ANP32B: variants seen among roughly 807,000 people sequenced by gnomAD.
The protein encoded by ANP32B is acidic leucine-rich nuclear phosphoprotein 32 family member B.
A neutral mutation model predicts 32.2 loss-of-function variants in ANP32B; 6 were observed. The observed-to-expected ratio is 0.19, with a 90% CI of 0.10 to 0.37. The LOEUF (loss-of-function observed/expected upper bound fraction) is 0.37. Among genes scored for constraint, ANP32B ranks in the 10% least tolerant of loss-of-function variants. ANP32B has a pLI of 1.00. For missense variants in ANP32B, 204 were observed against 289.2 expected (o/e 0.71, Z 2.14); for synonymous variants, 98 against 105.8 (o/e 0.93, Z 0.45).
chr9:98,001,630 C>T (rs1418183490), intron 3 of ANP32B, among the ~76,000 whole-genome samples: 2 of 152,120 alleles, frequency 1.3e-5, no homozygotes, highest in African/African-American at 4.8e-5. Context: ...TTGTAGCACA[C>T]AGCAATGGAG....
rs183482694 is a variant in ANP32B at position 97,987,248 on chromosome 9, G to T, written c.54+3639G>T. ...TATATTCTCATAGTGGAACAAAATG[G>T]CCTAAGATGGCATTTTAAAGTAATC... On this transcript the variant is annotated intron_variant, in intron 1 of 6. Coordinates refer to ENST00000339399, the MANE Select transcript of ANP32B (RefSeq NM_006401.3). 4.0e-4 allele frequency among the ~76,000 whole-genome samples: 56 copies of T among 141,746 alleles called. 1 individual carries two copies. The South Asian group carries it at 9.7e-3, about 24-fold the overall frequency. 93.0% of individuals were successfully genotyped at this position (141,746 alleles called of 152,430 possible).
chr9:98,001,818 C>A (rs1371924418), intron 3 of ANP32B, among the ~76,000 whole-genome samples: 1 of 152,056 alleles, frequency 6.6e-6, no homozygotes, highest in East Asian at 1.9e-4. Flanking sequence ...CATACATTTA[C>A]TGGGTGCTTT....
intron 3 of ANP32B, among the ~76,000 whole-genome samples, chr9:98,000,913 C>T (rs935337872): frequency 5.4e-5 from 8 of 146,880 alleles, no homozygotes; most frequent in Non-Finnish European, 1.0e-4. Context: ...CAGAACAAGA[C>T]TCCATCTCAA....
At chr9:97,995,565 G>A (rs1026313736) in intron 2 of ANP32B, among the ~76,000 whole-genome samples, 3 of 152,162 alleles carry the variant, frequency 2.0e-5, no homozygotes, top group Admixed American at 2.0e-4. Flanking sequence ...GGGACAGTTA[G>A]TTTTTTGGTA....
chr9:97,988,412 A>AT (rs1827773182), intron 1 of ANP32B, among the ~76,000 whole-genome samples: 5 of 152,234 alleles, frequency 3.3e-5, no homozygotes, highest in Admixed American at 3.3e-4. Context: ...ACCTAAACAC[A>AT]TTGGAGAACC....
chr9:97,998,511 C>T (rs1198932232), intron 2 of ANP32B, 45 bp from the exon 3 acceptor site: 2 of 1,549,438 alleles, frequency 1.3e-6, no homozygotes, highest in East Asian at 2.4e-5. Flanking sequence ...ATTTCTGTTT[C>T]TCTGTGTGTA....
Position 98,015,779 on chromosome 9 carries a change from C to CA in ANP32B, c.*354dup. On this transcript the variant is annotated 3_prime_UTR_variant, in exon 7 of 7. Coordinates refer to ENST00000339399, the MANE Select transcript of ANP32B (RefSeq NM_006401.3). ...AACAGCATTTTTACTTTCTGTACAACAAAAAAGCTTTGTAAATAAAATCTT... is the reference window on the plus strand; with the variant it reads ...AACAGCATTTTTACTTTCTGTACAACAAAAAAAGCTTTGTAAATAAAATCTT... 1 of 992,830 alleles carries CA rather than the reference C, an allele frequency of 1.0e-6. No individual in the cohort carries two copies. The highest frequency in any genetic ancestry group is 1.2e-6 in the Non-Finnish European group (1 of 834,590). 61.5% of individuals were successfully genotyped at this position (992,830 alleles called of 1,614,324 possible). A position where few individuals can be genotyped will look rare whatever the true frequency, so the allele number is the denominator to read the frequency against.
chr9:97,983,877 C>T (rs1032629432), intron 1 of ANP32B, among the ~76,000 whole-genome samples: 2 of 151,988 alleles, frequency 1.3e-5, no homozygotes, highest in African/African-American at 2.4e-5. Context: ...CGGGGTCTTT[C>T]CCCTGAGGGA....
At chr9:98,008,615 A>G (rs1390444213) in intron 4 of ANP32B, among the ~76,000 whole-genome samples, 1 of 152,192 alleles carries the variant, frequency 6.6e-6, no homozygotes, top group African/African-American at 2.4e-5. Context: ...CATTTCCAAT[A>G]TCCTATCTTT....
At chr9:97,985,007 G>C (rs1379839106) in intron 1 of ANP32B, among the ~76,000 whole-genome samples, 1 of 150,608 alleles carries the variant, frequency 6.6e-6, no homozygotes, top group Non-Finnish European at 1.5e-5. Flanking sequence ...GCGTGGGTCC[G>C]ACCTGTGGGA....
At position 97,994,787 on chromosome 9, in the gene ANP32B, G is replaced by C. The variant is rs1417273720; in HGVS notation, c.204+7G>C. The C allele has an allele frequency of 6.3e-7, 1 of 1,582,114 alleles. No homozygotes were observed. The highest frequency in any genetic ancestry group is 8.6e-7 in the Non-Finnish European group (1 of 1,167,542). On this transcript the variant is annotated splice_region_variant and intron_variant, in intron 2 of 6. Coordinates refer to ENST00000339399, the MANE Select transcript of ANP32B (RefSeq NM_006401.3). ...GCTGCCTAAATTGAAAAAGGTAAGT[G>C]CTTTTTCTTTAACAGTAAAAGAGAA...
chr9:98,002,418 A>C (rs1481751688), intron 3 of ANP32B: 1 of 152,186 alleles, frequency 6.6e-6, no homozygotes, highest in Admixed American at 6.5e-5. Context: ...TAAAATGTTT[A>C]ATGTTTATTA....
At chr9:97,993,744 T>C (rs1827864855) in intron 1 of ANP32B, among the ~76,000 whole-genome samples, 1 of 152,212 alleles carries the variant, frequency 6.6e-6, no homozygotes, top group African/African-American at 2.4e-5. Context: ...CAAGCGACTC[T>C]CCAGCCTTAG....
At chr9:97,984,883 G>A (rs1186332610) in intron 1 of ANP32B, among the ~76,000 whole-genome samples, 1 of 150,638 alleles carries the variant, frequency 6.6e-6, no homozygotes, top group African/African-American at 2.4e-5. Flanking sequence ...CTCGGCTCGT[G>A]GGCCGGGCGG....
chr9:98,008,959 G>A (rs567458392), intron 4 of ANP32B, among the ~76,000 whole-genome samples: 1 of 152,294 alleles, frequency 6.6e-6, no homozygotes, highest in South Asian at 2.1e-4. Flanking sequence ...GAGGACCGCT[G>A]TCCTACTGCA....
chr9:98,009,020 A>C (rs913704710), intron 4 of ANP32B, among the ~76,000 whole-genome samples: 1 of 152,210 alleles, frequency 6.6e-6, no homozygotes, highest in Non-Finnish European at 1.5e-5. Flanking sequence ...ACAGGGCCTG[A>C]CACTGAGTAG....
In ANP32B at chr9:97,983,390, G is replaced by A; in HGVS notation, c.-166G>A. 1 of 576,322 alleles carries A rather than the reference G, an allele frequency of 1.7e-6. No individual in the cohort carries two copies. Among genetic ancestry groups the A allele is most frequent in the Non-Finnish European group, 3.1e-6 (1 of 327,500 alleles). 35.7% of individuals were successfully genotyped at this position (576,322 alleles called of 1,614,324 possible). The stretch of plus-strand genomic sequence containing the variant: ...GCTCCCGTGAGTAACTTGGCTCCGG[G>A]GGCTCCGCTCGCCTGCCCGCACGCC... On this transcript the variant is annotated 5_prime_UTR_variant, in exon 1 of 7. Transcript: ENST00000339399.
chr9:97,990,814 CTTTTTTTTTTT>C lies in ANP32B; in HGVS notation c.55-3804_55-3794del, dbSNP rs34489949. ...GCACTTTTACTGCTTACAGTTGAAC[CTTTTTTTTTTT>C]TTTTTTTTTTTTGAGACATAATCTT... On this transcript the variant is annotated intron_variant, in intron 1 of 6. Transcript: ENST00000339399. Among the ~76,000 whole-genome samples, 5 of 98,892 alleles carry C rather than the reference CTTTTTTTTTTT, an allele frequency of 5.1e-5. No homozygotes were observed. In the East Asian group the frequency reaches 8.9e-4, roughly 18 times the overall value. 64.9% of individuals were successfully genotyped at this position (98,892 alleles called of 152,430 possible). A position where few individuals can be genotyped will look rare whatever the true frequency, so the allele number is the denominator to read the frequency against.
At chr9:98,003,337 C>T (rs1828025828) in intron 3 of ANP32B, among the ~76,000 whole-genome samples, 1 of 152,184 alleles carries the variant, frequency 6.6e-6, no homozygotes, top group African/African-American at 2.4e-5. Context: ...TGAAGTTCTT[C>T]ATGTGCAGGG....
Sources: gnomAD v4.1 joint callset for allele counts (sites outside exome capture counted in the v4.1 genomes callset) on GRCh38, gnomAD v4.1.1 for gene constraint, MANE v1.5 for transcripts, NCBI Gene and HGNC (gene_info 2026-07-23, HGNC 2026-07-21) for gene names.